Variants in SIM2 observed in about 807,000 individuals in gnomAD.
The protein encoded by SIM2 is single-minded homolog 2.
SIM2 carries 28 observed loss-of-function variants against 64.8 expected under a neutral mutation model. The ratio of observed to expected loss-of-function variants is 0.43; its 90% CI spans 0.32 to 0.59. The LOEUF (loss-of-function observed/expected upper bound fraction) is 0.59, where lower values mean the gene tolerates loss of function less well. Among genes scored for constraint, SIM2 ranks in the 20% least tolerant of loss-of-function variants. The pLI, the probability that SIM2 is intolerant of heterozygous loss-of-function variation, is 0.07. For synonymous variants in SIM2, 408 were observed against 391.1 expected (o/e 1.04, Z -0.51); for missense variants, 847 against 871.4 (o/e 0.97, Z 0.35).
chr21:36,706,140 A>C (rs2088577398), intron 1 of SIM2, among the ~76,000 whole-genome samples: 1 of 152,174 alleles, frequency 6.6e-6, no homozygotes, highest in Non-Finnish European at 1.5e-5. Context: ...TCGGAAGAGG[A>C]GGGATCGCTT....
At chr21:36,720,146 G>A in intron 4 of SIM2, 2 of 553,252 alleles carry the variant, frequency 3.6e-6, no homozygotes, top group South Asian at 4.5e-5. Context: ...CCTATTGTTG[G>A]CCAGAACCCG....
intron 7 of SIM2, among the ~76,000 whole-genome samples, chr21:36,732,364 G>A (rs963526783): frequency 6.6e-6 from 1 of 152,208 alleles, no homozygotes; most frequent in Non-Finnish European, 1.5e-5. Context: ...CTCTGTTCTT[G>A]CTCTGCCTTC....
At position 36,747,992 on chromosome 21, in the gene SIM2, C is replaced by G; in HGVS notation, c.1904C>G (p.Ala635Gly). ...GGCGGCCCCGAGGCGGCGACCGGCG[C>G]GCTGCGGCTCCGGCACCCGAGCCCC... is the stretch of plus-strand genomic sequence containing the variant. ...APGGPEAATG[A>G]LRLRHPSPAA... Residue 635 changes from alanine (A) to glycine (G), a missense_variant, in exon 11 of 11, where the codon GCG (alanine) becomes GGG (glycine). Ala to Gly is a moderately conservative substitution (Grantham distance 60). This residue lies in a region of SIM2 where 447 missense variants were observed against 414.6 expected (regional missense o/e 1.08). Transcript: ENST00000290399. The surrounding 1 kb of genome is among the most constrained non-coding windows in gnomAD (Gnocchi z 4.5). The G allele has an allele frequency of 1.8e-6, 2 of 1,084,206 alleles. No homozygotes were observed. Among genetic ancestry groups the G allele is most frequent in the Non-Finnish European group, 2.2e-6 (2 of 894,986 alleles). 67.2% of individuals were successfully genotyped at this position (1,084,206 alleles called of 1,614,324 possible). A position where few individuals can be genotyped will look rare whatever the true frequency, so the allele number is the denominator to read the frequency against.
intron 1 of SIM2, among the ~76,000 whole-genome samples, chr21:36,700,795 A>G (rs2088481832): frequency 6.6e-6 from 1 of 152,228 alleles, no homozygotes; most frequent in South Asian, 2.1e-4. Flanking sequence ...GAGGGGTCCG[A>G]TTAATTCGAA....
intron 7 of SIM2, 51 bp downstream of exon 7, chr21:36,731,202 G>A: frequency 7.2e-7 from 1 of 1,396,770 alleles, no homozygotes; most frequent in Non-Finnish European, 1.0e-6. Context: ...CAGGGAGGAG[G>A]CGCTGAGGAC....
At chr21:36,701,709 A>G (rs1172034299) in intron 1 of SIM2, 2 of 152,270 alleles carry the variant, frequency 1.3e-5, no homozygotes, top group African/African-American at 2.4e-5. Context: ...TGTCCGCTCA[A>G]TGGTGACCCC....
intron 6 of SIM2, among the ~76,000 whole-genome samples, chr21:36,730,175 G>C (rs908824903): frequency 6.6e-6 from 1 of 152,190 alleles, no homozygotes; most frequent in Admixed American, 6.5e-5. Context: ...AGTGTCTAGC[G>C]TGCAACAGAG....
At chr21:36,704,007 C>T (rs556036527) in intron 1 of SIM2, among the ~76,000 whole-genome samples, 2 of 152,364 alleles carry the variant, frequency 1.3e-5, no homozygotes, top group South Asian at 2.1e-4. Flanking sequence ...GGTTGAGTCT[C>T]CCCATCTCCC....
At chr21:36,743,257 C>T in intron 8 of SIM2, 130 bp from the exon 9 acceptor site, 2 of 799,856 alleles carry the variant, frequency 2.5e-6, no homozygotes, top group Middle Eastern at 3.8e-4. Flanking sequence ...TCTCAAATCC[C>T]ATCCACATCC....
Position 36,741,899 on chromosome 21 carries a change from TTTCTC to T in SIM2, c.998+39_998+43del, listed in dbSNP as rs753439056. On this transcript the variant is annotated intron_variant, in intron 8 of 10. Coordinates refer to ENST00000290399, the MANE Select transcript of SIM2 (RefSeq NM_005069.6). ...ACGTATTTGTTTCTCTCCTTGCTCT[TTTCTC>T]TTCCCTGTCCCACATCGGATGGCTC... The T allele has an allele frequency of 2.1e-5, 32 of 1,519,858 alleles. No homozygotes were observed. In the East Asian group the frequency reaches 5.9e-4, roughly 28 times the overall value. The allele number at this position is 1,519,858 out of a possible 1,614,324, so 94.1% of individuals were successfully genotyped here.
chr21:36,727,390 T>G (rs75935901), intron 6 of SIM2, among the ~76,000 whole-genome samples: 119 of 152,292 alleles, frequency 7.8e-4, no homozygotes, highest in African/African-American at 2.6e-3. Flanking sequence ...GTTTTCAGGG[T>G]TTTGTGGTGT....
At chr21:36,731,368 C>G (rs1341257530) in intron 7 of SIM2, among the ~76,000 whole-genome samples, 1 of 152,170 alleles carries the variant, frequency 6.6e-6, no homozygotes, top group Non-Finnish European at 1.5e-5. Context: ...CAGGGAGACT[C>G]TAGCAGGTGT....
intron 5 of SIM2, among the ~76,000 whole-genome samples, chr21:36,725,300 G>C (rs1339703720): frequency 6.6e-6 from 1 of 152,164 alleles, no homozygotes; most frequent in Non-Finnish European, 1.5e-5. Context: ...CAGTGAGCCT[G>C]ATTGCACTAC....
intron 8 of SIM2, 133 bp from the exon 9 acceptor site, chr21:36,743,254 T>C: frequency 2.5e-6 from 2 of 791,702 alleles, no homozygotes; most frequent in Non-Finnish European, 2.0e-6. Flanking sequence ...TTGTCTCAAA[T>C]CCCATCCACA....
intron 1 of SIM2, chr21:36,701,496 C>G (rs1307335148): frequency 7.0e-6 from 1 of 143,210 alleles, no homozygotes; most frequent in Non-Finnish European, 1.6e-5. Context: ...CCGGGAGCAC[C>G]CGGCAGCGGA....
Position 36,744,900 on chromosome 21 carries a change from T to A in SIM2, c.1340T>A (p.Phe447Tyr). The A allele has an allele frequency of 6.2e-7, 1 of 1,614,204 alleles. No homozygotes were observed. Among genetic ancestry groups the A allele is most frequent in the South Asian group, 1.1e-5 (1 of 91,088 alleles). Residue 447 changes from phenylalanine (F) to tyrosine (Y), a missense_variant, in exon 10 of 11, where the codon TTC becomes TAC. Around this residue, in one of 3 missense-constraint regions of SIM2, gnomAD observed 447 missense variants for 414.6 expected, o/e 1.08. Transcript: ENST00000290399. ...SLPFSYHYGH[F>Y]PLDSHVFSSK... ...CCCTTCTCCTACCATTACGGACACT[T>A]CCCTCTGGACTCTCACGTCTTCAGC...
At chr21:36,709,395 C>CG (rs2088642168) in intron 2 of SIM2, 145 bp downstream of exon 2, 2 of 735,136 alleles carry the variant, frequency 2.7e-6, no homozygotes, top group Admixed American at 4.0e-5. Context: ...GTCCCCACTG[C>CG]GGAGGGATGG....
intron 1 of SIM2, among the ~76,000 whole-genome samples, chr21:36,707,915 G>A (rs1049097537): frequency 6.7e-6 from 1 of 149,968 alleles, no homozygotes; most frequent in African/African-American, 2.5e-5. Flanking sequence ...CAGTGCTCGC[G>A]GCACCACCGC....
rs1215406076 is a variant in SIM2, at chr21:36,706,332, T to C, written c.176-2836T>C. Among the ~76,000 whole-genome samples the C allele has an allele frequency of 6.6e-5, 10 of 152,286 alleles. No individual in the cohort carries two copies. In the East Asian group the frequency reaches 1.9e-3, roughly 29 times the overall value. ...CACAGCGTCCCCACAGGTCCTGCAG[T>C]GCTCTGCAGGGGTGCAGGGAGCTCC... On this transcript the variant is annotated intron_variant, in intron 1 of 10. Coordinates refer to ENST00000290399, the MANE Select transcript of SIM2 (RefSeq NM_005069.6).
Sources: allele counts gnomAD v4.1 joint callset (sites outside exome capture counted in the v4.1 genomes callset), GRCh38; gene constraint gnomAD v4.1.1; regional missense constraint gnomAD v4.1.1; non-coding constraint Gnocchi (gnomAD v3.1); transcripts MANE v1.5; gene names NCBI Gene and HGNC (gene_info 2026-07-23, HGNC 2026-07-21).